The following MYO1H variants were observed in gnomAD, a reference collection of about 807,000 sequenced individuals.
MYO1H encodes myosin IH, also known as unconventional myosin-Ih.
In MYO1H, 118 loss-of-function variants were observed where a neutral mutation model predicts 149.3. That is an observed-to-expected ratio of 0.79 (90% CI 0.68 to 0.92). The LOEUF is 0.92. Among genes scored for constraint, MYO1H ranks in the 40% least tolerant of loss-of-function variants. The pLI is 0.00. For synonymous variants in MYO1H, 447 were observed against 465.2 expected, an observed-to-expected ratio of 0.96 and a Z score of 0.50; for missense variants, 1,212 against 1,280.7, an observed-to-expected ratio of 0.95 and a Z score of 0.82.
intron 22 of MYO1H, among the ~76,000 whole-genome samples, chr12:109,436,979 C>T (rs1592818694): frequency 6.6e-6 from 1 of 152,164 alleles, no homozygotes; most frequent in African/African-American, 2.4e-5. Context: ...GTGGTTAATG[C>T]CTGTAGTCCC....
chr12:109,338,765 CAAAAAA>C, the MYO1H span, among the ~76,000 whole-genome samples: 402 of 87,302 alleles, frequency 4.6e-3, no homozygotes, highest in African/African-American at 0.012. Context: ...GACTCCATCT[CAAAAAA>C]AAAAAAAAAA....
chr12:109,345,796 A>G (rs1171799987), upstream of MYO1H, among the ~76,000 whole-genome samples: 2 of 152,226 alleles, frequency 1.3e-5, no homozygotes, highest in Non-Finnish European at 2.9e-5. Flanking sequence ...GGTTCATGCT[A>G]AAACATGGAT....
chr12:109,361,430 C>T (rs1311920045), intron 1 of MYO1H, among the ~76,000 whole-genome samples: 5 of 152,140 alleles, frequency 3.3e-5, no homozygotes, highest in Non-Finnish European at 5.9e-5. Flanking sequence ...TTAAAAAAAT[C>T]AAACTAGTTT....
chr12:109,411,885 CT>C lies in MYO1H; in HGVS notation c.1411-5del. ...GCTGTGGATTGAGGCTTCTCTTTTT[CT>C]TTTGAAGGATGAAGAATGCATTCGG... is the stretch of plus-strand genomic sequence containing the variant. On this transcript the variant is annotated splice_region_variant and splice_polypyrimidine_tract_variant and intron_variant, in intron 13 of 31. Transcript: ENST00000310903. 6.3e-7 allele frequency: 1 copy of C among 1,589,712 alleles called. No individual in the cohort carries two copies.
intron 1 of MYO1H, among the ~76,000 whole-genome samples, chr12:109,363,810 G>A (rs1449868955): frequency 6.6e-6 from 1 of 152,086 alleles, no homozygotes; most frequent in East Asian, 1.9e-4. Flanking sequence ...TGCTGGTGGA[G>A]GAAAAACAGA....
At chr12:109,409,920 C>A in intron 11 of MYO1H, 43 bp from the exon 12 acceptor site, 1 of 1,154,104 alleles carries the variant, frequency 8.7e-7, no homozygotes, top group Non-Finnish European at 1.2e-6. Flanking sequence ...AAAAATTGTT[C>A]TCTTCATATA....
the MYO1H span, among the ~76,000 whole-genome samples, chr12:109,342,575 C>G: frequency 1.5e-5 from 2 of 133,644 alleles, no homozygotes; most frequent in Non-Finnish European, 3.1e-5. Flanking sequence ...CAGCGTCATG[C>G]TCTGTCACAC....
chr12:109,407,846 C>G, exon 10 of MYO1H: 1 of 1,613,952 alleles, frequency 6.2e-7, no homozygotes, highest in South Asian at 1.1e-5. Context: ...GATGCAATGG[C>G]AAAGGCTGTT....
rs144546604 is a variant in MYO1H at position 109,388,679 on chromosome 12, G to A, written c.13-4G>A. ...GCTGCTGAAGAATGTTCTATTTCCCGTAGAAAGAAGACGTGAGGAGGAAAC... is the reference window on the plus strand; with the variant it reads ...GCTGCTGAAGAATGTTCTATTTCCCATAGAAAGAAGACGTGAGGAGGAAAC... On this transcript the variant is annotated splice_polypyrimidine_tract_variant and splice_region_variant and intron_variant, in intron 1 of 31. Transcript: ENST00000310903. 2.7e-5 allele frequency: 42 copies of A among 1,550,494 alleles called. No individual in the cohort carries two copies. In the East Asian group the frequency reaches 6.8e-4, roughly 25 times the overall value.
At chr12:109,443,030 G>GTGTGTGTGTGTGTGTGTATATA (rs1872231851) in intron 27 of MYO1H, among the ~76,000 whole-genome samples, 1 of 60,586 alleles carries the variant, frequency 1.7e-5, no homozygotes, top group Non-Finnish European at 3.2e-5. Context: ...ATATATATAT[G>GTGTGTGTGTGTGTGTGTATATA]TGTGTGTGTG....
rs1869877546 is a variant in MYO1H at position 109,395,911 on chromosome 12, TTGA to T, written c.291-470_291-468del. On this transcript the variant is annotated intron_variant, in intron 3 of 31. Coordinates refer to ENST00000310903, the Ensembl canonical transcript of MYO1H. The stretch of plus-strand genomic sequence containing the variant: ...TTTTTGTTGGTTTGTTTTGTTGTTG[TTGA>T]TGTTGTTGTTGTTGTTGTTTTTGAG... Among the ~76,000 whole-genome samples, 7 of 150,034 alleles carry T rather than the reference TTGA, an allele frequency of 4.7e-5. No individual in the cohort carries two copies. In the South Asian group the frequency reaches 1.3e-3, roughly 27 times the overall value.
intron 14 of MYO1H, among the ~76,000 whole-genome samples, chr12:109,414,432 A>ACAC (rs1262050429): frequency 6.8e-6 from 1 of 148,020 alleles, no homozygotes; most frequent in Non-Finnish European, 1.5e-5. Flanking sequence ...AGCCGAGATC[A>ACAC]CACCACTGCA....
chr12:109,326,679 C>T, the MYO1H span, among the ~76,000 whole-genome samples: 1 of 151,676 alleles, frequency 6.6e-6, no homozygotes, highest in Non-Finnish European at 1.5e-5. Context: ...GTCACCATCC[C>T]CGGCTAATTT....
At chr12:109,385,399 G>A (rs533084813) in intron 1 of MYO1H, among the ~76,000 whole-genome samples, 5 of 116,552 alleles carry the variant, frequency 4.3e-5, no homozygotes, top group Non-Finnish European at 8.9e-5. Context: ...AGGTTCATGC[G>A]ATCCTCCCAC....
chr12:109,356,648 C>T (rs1348548598), intron 1 of MYO1H, among the ~76,000 whole-genome samples: 1 of 152,000 alleles, frequency 6.6e-6, no homozygotes, highest in Non-Finnish European at 1.5e-5. Context: ...TTTTTTTCCC[C>T]TCCACCTCTA....
the MYO1H span, among the ~76,000 whole-genome samples, chr12:109,331,478 G>A: frequency 6.6e-6 from 1 of 152,124 alleles, no homozygotes; most frequent in Non-Finnish European, 1.5e-5. Flanking sequence ...GGGTGCGGTG[G>A]GGCGGGGGTG....
chr12:109,445,549 A>T (rs1872442561), exon 31 of MYO1H: 1 of 1,612,810 alleles, frequency 6.2e-7, no homozygotes, highest in Admixed American at 1.7e-5. Context: ...AAGAAGGCAC[A>T]ATAGTTTTCG....
At chr12:109,376,304 T>A (rs1869086868) in intron 1 of MYO1H, among the ~76,000 whole-genome samples, 1 of 152,228 alleles carries the variant, frequency 6.6e-6, no homozygotes, top group Admixed American at 6.5e-5. Flanking sequence ...TGTCTATATA[T>A]TTCACTGTTC....
chr12:109,411,769 C>T (rs1223095352), intron 13 of MYO1H, 125 bp from the exon 14 acceptor site: 4 of 629,128 alleles, frequency 6.4e-6, no homozygotes, highest in Non-Finnish European at 1.1e-5. Flanking sequence ...AGAATGTTCA[C>T]CTGCACTTAC....
Sources: gnomAD v4.1 joint callset for allele counts (sites outside exome capture counted in the v4.1 genomes callset) on GRCh38, gnomAD v4.1.1 for gene constraint, MANE v1.5 for transcripts, NCBI Gene and HGNC (gene_info 2026-07-23, HGNC 2026-07-21) for gene names.